The following ATG10 variants were observed in gnomAD, a reference collection of about 807,000 sequenced individuals.
The protein encoded by ATG10 is autophagy related 10, also known as ubiquitin-like-conjugating enzyme ATG10.
A neutral mutation model predicts 32.1 loss-of-function variants in ATG10; 30 were observed. That is an observed-to-expected ratio of 0.94 (90% CI 0.70 to 1.27). The LOEUF (loss-of-function observed/expected upper bound fraction) is 1.27. Among genes scored for constraint, ATG10 ranks in the 50% most tolerant of loss-of-function variants. The probability of loss-of-function intolerance (pLI) is 0.00; values close to 1 mark genes in which losing one functional copy is unlikely to be tolerated. For synonymous variants in ATG10, 87 were observed against 91.5 expected (o/e 0.95, Z 0.28); for missense variants, 233 against 262.3 (o/e 0.89, Z 0.77).
chr5:82,241,219 C>G (rs1017001808), intron 5 of ATG10, among the ~76,000 whole-genome samples: 4 of 152,158 alleles, frequency 2.6e-5, no homozygotes, highest in African/African-American at 9.7e-5. Context: ...CTTGTTGGCT[C>G]TACCTTCAAA....
chr5:82,204,278 A>G lies in ATG10; in HGVS notation c.453+25691A>G, dbSNP rs1745196219. Among the ~76,000 whole-genome samples the G allele has an allele frequency of 2.6e-5, 4 of 152,316 alleles. No homozygotes were observed. The South Asian group carries it at 8.3e-4, about 32-fold the overall frequency. On this transcript the variant is annotated intron_variant, in intron 5 of 7. Transcript: ENST00000282185. ...ATACATTGATTCAACAATAGGGGCC[A>G]GACTTATACTAGACTCTGGGGTACA...
intron 1 of ATG10, among the ~76,000 whole-genome samples, chr5:81,985,820 T>C (rs1761248311): frequency 6.6e-6 from 1 of 152,244 alleles, no homozygotes. Flanking sequence ...TGTAGTGCAG[T>C]GGCGCGATCT....
At chr5:82,039,963 T>G (rs72776832) in intron 2 of ATG10, among the ~76,000 whole-genome samples, 12,488 of 152,186 alleles carry the variant, frequency 0.082, 762 homozygotes, top group African/African-American at 0.18. Flanking sequence ...GCCTGGTGCT[T>G]GACAGGACAA....
In ATG10 at chr5:82,212,945, T is replaced by G. The variant is rs1380275804; in HGVS notation, c.453+34358T>G. ...TTAGCCTTCAGCTGAGAAACTCCTC[T>G]GCACTCCAGGCTAGTTTATCTAAAC... On this transcript the variant is annotated intron_variant, in intron 5 of 7. Coordinates refer to ENST00000282185, the MANE Select transcript of ATG10 (RefSeq NM_031482.5). Among the ~76,000 whole-genome samples, 6 of 152,344 alleles carry G rather than the reference T, an allele frequency of 3.9e-5. No homozygotes were observed. The East Asian group carries it at 1.2e-3, about 29-fold the overall frequency.
chr5:82,162,349 T>G (rs1378158094), intron 3 of ATG10, among the ~76,000 whole-genome samples: 8 of 152,166 alleles, frequency 5.3e-5, no homozygotes, highest in Non-Finnish European at 1.2e-4. Flanking sequence ...AATTGATACT[T>G]AAAAATTCAT....
At chr5:82,081,953 C>T (rs1187891908) in intron 3 of ATG10, among the ~76,000 whole-genome samples, 3 of 152,146 alleles carry the variant, frequency 2.0e-5, no homozygotes, top group African/African-American at 7.2e-5. Context: ...CTCCTTGTAC[C>T]TCTGGTAGAA....
chr5:82,013,480 G>C (rs574841370), intron 2 of ATG10, among the ~76,000 whole-genome samples: 3 of 152,274 alleles, frequency 2.0e-5, no homozygotes, highest in Admixed American at 6.5e-5. Context: ...GAGGGTGTGT[G>C]CGAGTATCTT....
chr5:82,248,161 T>G (rs372338309), intron 5 of ATG10, among the ~76,000 whole-genome samples: 1 of 152,218 alleles, frequency 6.6e-6, no homozygotes, highest in African/African-American at 2.4e-5. Context: ...CAGCTAGTGA[T>G]GCCTGGAGAA....
chr5:82,219,211 G>T (rs186866790), intron 5 of ATG10, among the ~76,000 whole-genome samples: 1 of 152,090 alleles, frequency 6.6e-6, no homozygotes, highest in South Asian at 2.1e-4. Context: ...CACTGTAATC[G>T]CCTCTTGCAG....
intron 3 of ATG10, chr5:82,147,995 T>C (rs905986721): frequency 6.6e-6 from 1 of 152,256 alleles, no homozygotes; most frequent in African/African-American, 2.4e-5. Flanking sequence ...ATATCTGTTA[T>C]TTGTAGCAGG....
chr5:82,178,618 A>G lies in ATG10; in HGVS notation c.453+31A>G, dbSNP rs773167495. 8 of 1,371,038 alleles carry G rather than the reference A, an allele frequency of 5.8e-6. No individual in the cohort carries two copies. The Admixed American group carries it at 6.8e-5, about 12-fold the overall frequency. The allele number at this position is 1,371,038 out of a possible 1,614,324, so 84.9% of individuals were successfully genotyped here. A position where few individuals can be genotyped will look rare whatever the true frequency, so the allele number is the denominator to read the frequency against. On this transcript the variant is annotated intron_variant, in intron 5 of 7. Coordinates refer to ENST00000282185, the MANE Select transcript of ATG10 (RefSeq NM_031482.5). The stretch of plus-strand genomic sequence containing the variant: ...AGAGTATTGTCATTTTATTGTATGC[A>G]TGTTATTGTATTCTTTCCCGCTGCT...
chr5:82,124,494 C>G (rs922642077), intron 3 of ATG10, among the ~76,000 whole-genome samples: 22 of 151,694 alleles, frequency 1.5e-4, no homozygotes, highest in Non-Finnish European at 1.2e-4. Context: ...GTTCCCCTCC[C>G]TGTGCCGTGC....
At chr5:82,053,447 T>C (rs971392808) in intron 2 of ATG10, among the ~76,000 whole-genome samples, 18 of 99,476 alleles carry the variant, frequency 1.8e-4, no homozygotes, top group Admixed American at 4.9e-4. Context: ...GATATGTCTT[T>C]TGACTTTATG....
At chr5:82,001,632 A>T (rs76102411) in intron 2 of ATG10, among the ~76,000 whole-genome samples, 9,871 of 152,224 alleles carry the variant, frequency 0.065, 1,020 homozygotes, top group African/African-American at 0.22. Context: ...TACACCATAT[A>T]AAAAATCGAC....
chr5:82,019,424 T>C (rs1762378242), intron 2 of ATG10, among the ~76,000 whole-genome samples: 1 of 152,056 alleles, frequency 6.6e-6, no homozygotes, highest in South Asian at 2.1e-4. Flanking sequence ...GTTCCAGAAT[T>C]GCAGCTAAAG....
At chr5:82,167,806 G>A (rs555419090) in intron 4 of ATG10, among the ~76,000 whole-genome samples, 69 of 152,284 alleles carry the variant, frequency 4.5e-4, no homozygotes, top group African/African-American at 1.6e-3. Context: ...TTGGTGTACA[G>A]GAGCTCAGTT....
At chr5:82,118,389 T>TATAC (rs1273038238) in intron 3 of ATG10, among the ~76,000 whole-genome samples, 1 of 116,428 alleles carries the variant, frequency 8.6e-6, no homozygotes, top group Non-Finnish European at 1.9e-5. Context: ...TATATGTACA[T>TATAC]ATATATATAT....
At chr5:82,109,950 T>TCCC (rs5869105) in intron 3 of ATG10, among the ~76,000 whole-genome samples, 4 of 145,488 alleles carry the variant, frequency 2.7e-5, no homozygotes, top group Non-Finnish European at 6.0e-5. Flanking sequence ...CTATCCCCCA[T>TCCC]CCCCCCACCC....
chr5:82,022,330 C>CTT (rs1353788210), intron 2 of ATG10, among the ~76,000 whole-genome samples: 3 of 140,458 alleles, frequency 2.1e-5, no homozygotes, highest in African/African-American at 2.6e-5. Context: ...AAAATGAGTA[C>CTT]TTTTTTTTTT....
Sources: allele counts gnomAD v4.1 joint callset (sites outside exome capture counted in the v4.1 genomes callset), GRCh38; gene constraint gnomAD v4.1.1; transcripts MANE v1.5; gene names NCBI Gene and HGNC (gene_info 2026-07-23, HGNC 2026-07-21).